The following ROS1 variants were observed in gnomAD, a reference collection of about 807,000 sequenced individuals.
The protein encoded by ROS1 is proto-oncogene tyrosine-protein kinase ROS.
ROS1 carries 263 observed loss-of-function variants against 273.5 expected under a neutral mutation model. The ratio of observed to expected loss-of-function variants is 0.96; its 90% CI spans 0.87 to 1.06. The LOEUF is 1.06. Among genes scored for constraint, ROS1 ranks in the 50% least tolerant of loss-of-function variants. ROS1 has a pLI of 0.00. For missense variants in ROS1, 2,833 were observed against 2,751.1 expected (o/e 1.03, Z -0.67); for synonymous variants, 1,008 against 954.1 (o/e 1.06, Z -1.04).
intron 4 of ROS1, among the ~76,000 whole-genome samples, chr6:117,412,011 G>A (rs1179934744): frequency 6.6e-6 from 1 of 152,180 alleles, no homozygotes; most frequent in Non-Finnish European, 1.5e-5. Flanking sequence ...ATTAGGAGGA[G>A]CTGGGCTTGC....
intron 13 of ROS1, 157 bp from the exon 14 acceptor site, chr6:117,388,149 A>G: frequency 8.5e-7 from 1 of 1,172,298 alleles, no homozygotes. Context: ...TCATTTGTTG[A>G]TGAGGCTAGG....
chr6:117,394,605 A>G lies in ROS1; in HGVS notation c.1006+11T>C, dbSNP rs759105342. 5 of 1,576,624 alleles carry G rather than the reference A, an allele frequency of 3.2e-6. No homozygotes were observed. The South Asian group carries it at 6.0e-5, about 19-fold the overall frequency. On this transcript the variant is annotated intron_variant, in intron 10 of 43. Coordinates refer to ENST00000368507, the MANE Select transcript of ROS1 (RefSeq NM_001378902.1). ...TCACACTAAGGAATCATTTATCCTTATCATACTGACCTGTAATATTATGGT... is the reference window on the plus strand; with the variant it reads ...TCACACTAAGGAATCATTTATCCTTGTCATACTGACCTGTAATATTATGGT...
Position 117,373,266 on chromosome 6 carries a change from C to T in ROS1, c.2582+5793G>A, listed in dbSNP as rs190841406. Among the ~76,000 whole-genome samples, 404 of 152,320 alleles carry T rather than the reference C, an allele frequency of 2.7e-3. 2 individuals carry two copies. The highest frequency in any genetic ancestry group is 8.8e-3 in the African/African-American group (365 of 41,574). ...TGCCAGGGCCGTGGGTGGAGCTGCC[C>T]GCCAGTCCTACACCATGCGCCTGCA... On this transcript the variant is annotated intron_variant, in intron 18 of 43. Coordinates refer to ENST00000368507, the MANE Select transcript of ROS1 (RefSeq NM_001378902.1).
chr6:117,393,236 T>C lies in ROS1; in HGVS notation c.1277A>G (p.Asp426Gly), dbSNP rs748963951. 6.3e-7 allele frequency: 1 copy of C among 1,596,508 alleles called. No individual in the cohort carries two copies. Among genetic ancestry groups the C allele is most frequent in the Non-Finnish European group, 8.6e-7 (1 of 1,164,218 alleles). ...SISAPQKIVA[D>G]SYNGYVFYLL... is the part of the protein sequence containing the mutation. ...GGCTAACACATACCCATTGTATGAA[T>C]CAGCCACAATTTTTTGAGGTGCACT... Residue 426 changes from aspartate (D) to glycine (G), a missense_variant, in exon 12 of 44, where the codon GAT becomes GGT. Asp to Gly is a moderately conservative substitution (Grantham distance 94, BLOSUM62 -1). Transcript: ENST00000368507.
Position 117,344,011 on chromosome 6 carries a change from A to T in ROS1, c.4506+49T>A, listed in dbSNP as rs75879427. The T allele has an allele frequency of 8.9e-4, 1,327 of 1,497,926 alleles. 15 individuals carry two copies. The African/African-American group carries it at 0.017, about 19-fold the overall frequency. The allele number at this position is 1,497,926 out of a possible 1,614,324, so 92.8% of individuals were successfully genotyped here. On this transcript the variant is annotated intron_variant, in intron 28 of 43. Transcript: ENST00000368507. Reference sequence around the variant, plus strand: ...TTACTATGGCTCATAATTTTATATCAAAAAAGAACATCTTGTGAAAAGACA... The same window carrying T: ...TTACTATGGCTCATAATTTTATATCTAAAAAGAACATCTTGTGAAAAGACA...
intron 43 of ROS1, among the ~76,000 whole-genome samples, chr6:117,293,720 A>G (rs1179384142): frequency 6.6e-6 from 1 of 152,196 alleles, no homozygotes; most frequent in Non-Finnish European, 1.5e-5. Context: ...ATGGTTGTAA[A>G]ATAACATAAA....
chr6:117,324,866 G>A (rs527368334), intron 34 of ROS1, among the ~76,000 whole-genome samples: 5 of 152,130 alleles, frequency 3.3e-5, no homozygotes, highest in South Asian at 2.1e-4. Context: ...AAACAAACAC[G>A]TAGGCCAGAG....
intron 36 of ROS1, among the ~76,000 whole-genome samples, chr6:117,320,697 G>A (rs2128561284): frequency 6.6e-6 from 1 of 152,194 alleles, no homozygotes; most frequent in African/African-American, 2.4e-5. Flanking sequence ...TTTACACCTT[G>A]CATTATAAAT....
chr6:117,396,372 G>A (rs1773487739), intron 8 of ROS1, 108 bp from the exon 9 acceptor site: 6 of 781,050 alleles, frequency 7.7e-6, no homozygotes, highest in Middle Eastern at 2.3e-4. Context: ...ATGTGGCAAT[G>A]CATGAGTCTA....
chr6:117,353,225 C>G lies in ROS1; in HGVS notation c.4127-59G>C, dbSNP rs1779025857. The G allele has an allele frequency of 1.9e-5, 24 of 1,241,552 alleles. No individual in the cohort carries two copies. The South Asian group carries it at 3.7e-4, about 19-fold the overall frequency. 76.9% of individuals were successfully genotyped at this position (1,241,552 alleles called of 1,614,324 possible). ...AAATTAATATCTTACATTTTTTACTCTAAAAATGTATGAAATTTTTTCTAT... is the reference window on the plus strand; with the variant it reads ...AAATTAATATCTTACATTTTTTACTGTAAAAATGTATGAAATTTTTTCTAT... On this transcript the variant is annotated intron_variant, in intron 26 of 43. Transcript: ENST00000368507.
At chr6:117,407,605 T>C (rs1774522761) in intron 5 of ROS1, among the ~76,000 whole-genome samples, 1 of 152,116 alleles carries the variant, frequency 6.6e-6, no homozygotes, top group African/African-American at 2.4e-5. Context: ...TTCAATACAA[T>C]ATGCCTATAC....
intron 9 of ROS1, 101 bp from the exon 10 acceptor site, chr6:117,394,839 G>T: frequency 9.6e-7 from 1 of 1,042,374 alleles, no homozygotes; most frequent in Non-Finnish European, 1.3e-6. Context: ...GGGGACTAGT[G>T]CTTGAAAGAG....
chr6:117,301,887 A>G (rs898890499), intron 42 of ROS1: 6 of 152,192 alleles, frequency 3.9e-5, no homozygotes, highest in African/African-American at 1.4e-4. Flanking sequence ...CTGGTTAATT[A>G]AACATTATCT....
chr6:117,311,739 G>C (rs550897539), intron 39 of ROS1, among the ~76,000 whole-genome samples: 1 of 152,186 alleles, frequency 6.6e-6, no homozygotes, highest in South Asian at 2.1e-4. Flanking sequence ...TCATCTAAGA[G>C]AGTGAGTACA....
At chr6:117,316,127 T>C (rs1562263867) in intron 39 of ROS1, among the ~76,000 whole-genome samples, 1 of 152,134 alleles carries the variant, frequency 6.6e-6, no homozygotes, top group Non-Finnish European at 1.5e-5. Context: ...AAGCAAAGTT[T>C]TCCTGTGTGT....
intron 5 of ROS1, among the ~76,000 whole-genome samples, chr6:117,407,984 T>C (rs1582876045): frequency 6.6e-6 from 1 of 152,152 alleles, no homozygotes; most frequent in African/African-American, 2.4e-5. Context: ...ATTTAATAAA[T>C]GGTGCTGGGA....
chr6:117,410,985 A>G lies in ROS1; in HGVS notation c.256-1343T>C, dbSNP rs116001061. 5.1e-3 allele frequency among the ~76,000 whole-genome samples: 780 copies of G among 152,298 alleles called. 10 individuals carry two copies. The highest frequency in any genetic ancestry group is 0.018 in the African/African-American group (746 of 41,562). On this transcript the variant is annotated intron_variant, in intron 4 of 43. Transcript: ENST00000368507. The stretch of plus-strand genomic sequence containing the variant: ...AAACAAACCAATTCACAGCAAAATT[A>G]TTATATAACATGAGGGGTTTTTTTC...
intron 7 of ROS1, among the ~76,000 whole-genome samples, chr6:117,397,702 G>C (rs1198786385): frequency 6.6e-6 from 1 of 152,152 alleles, no homozygotes; most frequent in Non-Finnish European, 1.5e-5. Context: ...CTGAGCTTCA[G>C]CACCCCTGCC....
chr6:117,328,833 TG>T (rs1481487496), intron 33 of ROS1: 1 of 613,210 alleles, frequency 1.6e-6, no homozygotes, highest in Non-Finnish European at 3.2e-6. Flanking sequence ...CATTGCAAAC[TG>T]TAATCTTCCC....
Sources: allele counts gnomAD v4.1 joint callset (sites outside exome capture counted in the v4.1 genomes callset), GRCh38; gene constraint gnomAD v4.1.1; transcripts MANE v1.5; gene names NCBI Gene and HGNC (gene_info 2026-07-23, HGNC 2026-07-21).